NR5A2: variants seen among roughly 807,000 people sequenced by gnomAD.
NR5A2 encodes the protein nuclear receptor subfamily 5 group A member 2.
In NR5A2, 26 loss-of-function variants were observed where a neutral mutation model predicts 62.7. The ratio of observed to expected loss-of-function variants is 0.41; its 90% CI spans 0.30 to 0.58. The LOEUF is 0.58. Among genes scored for constraint, NR5A2 ranks in the 20% least tolerant of loss-of-function variants. The probability of loss-of-function intolerance (pLI) is 0.22; values close to 1 mark genes in which losing one functional copy is unlikely to be tolerated. For missense variants in NR5A2, 541 were observed against 669.1 expected, an observed-to-expected ratio of 0.81 and a Z score of 2.11; for synonymous variants, 246 against 241.7, an observed-to-expected ratio of 1.02 and a Z score of -0.16.
intron 5 of NR5A2, among the ~76,000 whole-genome samples, chr1:200,084,014 A>C (rs565389577): frequency 6.7e-6 from 1 of 150,332 alleles, no homozygotes; most frequent in East Asian, 2.0e-4. Context: ...AATAAAGTAC[A>C]GTTTAAATAC....
At chr1:200,110,496 A>G (rs77898694) in intron 5 of NR5A2, among the ~76,000 whole-genome samples, 2 of 152,146 alleles carry the variant, frequency 1.3e-5, no homozygotes, top group African/African-American at 4.8e-5. Context: ...CCTCATAGCA[A>G]CCTTGTCAGG....
In NR5A2 at chr1:200,177,327, G is replaced by C. The variant is rs1316380359; in HGVS notation, c.*3117G>C. Reference sequence around the variant, plus strand: ...TTACTGTATCAATGAAATACATATTGTCATGTCAGTTCTTGCCAGGAACTT... The same window carrying C: ...TTACTGTATCAATGAAATACATATTCTCATGTCAGTTCTTGCCAGGAACTT... On this transcript the variant is annotated 3_prime_UTR_variant, in exon 8 of 8. Transcript: ENST00000367362. 1 of 152,026 alleles carries C rather than the reference G, an allele frequency of 6.6e-6. No individual in the cohort carries two copies. The highest frequency in any genetic ancestry group is 2.4e-5 in the African/African-American group (1 of 41,194). The allele number at this position is 152,026 out of a possible 1,614,324, so 9.4% of individuals were successfully genotyped here.
At chr1:200,088,619 T>G (rs1021444445) in intron 5 of NR5A2, among the ~76,000 whole-genome samples, 1 of 152,176 alleles carries the variant, frequency 6.6e-6, no homozygotes, top group African/African-American at 2.4e-5. Flanking sequence ...CACATGAATG[T>G]GCAAAGCTCC....
chr1:200,043,309 G>A (rs1463593789), intron 2 of NR5A2, among the ~76,000 whole-genome samples: 1 of 152,206 alleles, frequency 6.6e-6, no homozygotes, highest in African/African-American at 2.4e-5. Flanking sequence ...TTGCAAATTG[G>A]TGCTGCTGTC....
At chr1:200,160,161 C>T (rs558506140) in intron 7 of NR5A2, among the ~76,000 whole-genome samples, 3 of 152,330 alleles carry the variant, frequency 2.0e-5, no homozygotes, top group African/African-American at 7.2e-5. Context: ...CTGCTACAAG[C>T]AATCCCAACT....
chr1:200,161,428 T>C (rs1262689095), intron 7 of NR5A2, among the ~76,000 whole-genome samples: 1 of 152,240 alleles, frequency 6.6e-6, no homozygotes, highest in Non-Finnish European at 1.5e-5. Context: ...TATAGCATTC[T>C]GTCCTCATTT....
intron 2 of NR5A2, among the ~76,000 whole-genome samples, chr1:200,041,729 T>G (rs560529571): frequency 6.6e-6 from 1 of 152,304 alleles, no homozygotes; most frequent in Admixed American, 6.5e-5. Flanking sequence ...TCTGGGAAAC[T>G]CTGAAAGGTG....
Position 200,101,976 on chromosome 1 carries a change from C to G in NR5A2, c.1111-9226C>G, listed in dbSNP as rs75044681. 1.4e-3 allele frequency among the ~76,000 whole-genome samples: 208 copies of G among 152,292 alleles called. 1 individual carries two copies. Among genetic ancestry groups the G allele is most frequent in the African/African-American group, 4.4e-3 (184 of 41,560 alleles). On this transcript the variant is annotated intron_variant, in intron 5 of 7. Coordinates refer to ENST00000367362, the MANE Select transcript of NR5A2 (RefSeq NM_205860.3). ...ACCCTGGTGATTATATGTTTCTTCACAGTGCTGTTTAACATTTACATACAA... is the reference window on the plus strand; with the variant it reads ...ACCCTGGTGATTATATGTTTCTTCAGAGTGCTGTTTAACATTTACATACAA...
chr1:200,038,611 G>A, intron 1 of NR5A2: 1 of 816,296 alleles, frequency 1.2e-6, no homozygotes, highest in Non-Finnish European at 1.9e-6. Context: ...GTTTAAGTGG[G>A]TGTTTAACTC....
chr1:200,172,578 G>T (rs1654230768), intron 7 of NR5A2, among the ~76,000 whole-genome samples: 1 of 152,090 alleles, frequency 6.6e-6, no homozygotes, highest in African/African-American at 2.4e-5. Flanking sequence ...TTTTAATTTG[G>T]GTCAGAGACT....
In NR5A2 at chr1:200,147,058, G is replaced by A. The variant is rs1364294785; in HGVS notation, c.1378+26103G>A. On this transcript the variant is annotated intron_variant, in intron 7 of 7. Coordinates refer to ENST00000367362, the MANE Select transcript of NR5A2 (RefSeq NM_205860.3). This position sits in a 1 kb window ranked among gnomAD's most constrained non-coding sequence, Gnocchi z 4.9. ...TGGAACAACAAGGAATTAACTGGGT[G>A]GCAGCAAAGGGCACCAAAAGAAAAG... is the stretch of plus-strand genomic sequence containing the variant. 1.5e-4 allele frequency among the ~76,000 whole-genome samples: 23 copies of A among 151,392 alleles called. No individual in the cohort carries two copies. Among genetic ancestry groups the A allele is most frequent in the Admixed American group, 1.5e-3 (23 of 15,234 alleles).
At chr1:200,117,962 T>G (rs976283124) in intron 6 of NR5A2, among the ~76,000 whole-genome samples, 4 of 142,820 alleles carry the variant, frequency 2.8e-5, no homozygotes, top group African/African-American at 1.0e-4. Flanking sequence ...GATCCACCCG[T>G]CTCGGCCTCC....
rs537437702 is a variant in NR5A2 at position 200,095,844 on chromosome 1, G to A, written c.1111-15358G>A. 2.2e-3 allele frequency among the ~76,000 whole-genome samples: 341 copies of A among 152,118 alleles called. No homozygotes were observed. In the Middle Eastern group the frequency reaches 0.024, roughly 11 times the overall value. On this transcript the variant is annotated intron_variant, in intron 5 of 7. Transcript: ENST00000367362. ...TGGGATTACAGGTGTGAGCCCCCGC[G>A]CCCGGCCAGCAAGTAATATTTTTTA...
intron 5 of NR5A2, among the ~76,000 whole-genome samples, chr1:200,072,682 G>C (rs1202195649): frequency 6.6e-6 from 1 of 152,026 alleles, no homozygotes; most frequent in African/African-American, 2.4e-5. Context: ...TTACTAAAAA[G>C]GTAAGGTTAC....
Position 200,062,676 on chromosome 1 carries a change from G to A in NR5A2, c.1110+13858G>A, listed in dbSNP as rs779948714. Among the ~76,000 whole-genome samples, 182 of 152,112 alleles carry A rather than the reference G, an allele frequency of 1.2e-3. 2 individuals carry two copies. The highest frequency in any genetic ancestry group is 2.5e-3 in the Non-Finnish European group (168 of 68,036). On this transcript the variant is annotated intron_variant, in intron 5 of 7. Coordinates refer to ENST00000367362, the MANE Select transcript of NR5A2 (RefSeq NM_205860.3). Reference sequence around the variant, plus strand: ...AAGTGCCTTAGATTTTCCTTGTACAGTTATCAAAGCAGGAAATGTAACTCG... The same window carrying A: ...AAGTGCCTTAGATTTTCCTTGTACAATTATCAAAGCAGGAAATGTAACTCG...
At chr1:200,088,464 T>C (rs1268668814) in intron 5 of NR5A2, among the ~76,000 whole-genome samples, 3 of 151,272 alleles carry the variant, frequency 2.0e-5, no homozygotes, top group Non-Finnish European at 4.4e-5. Flanking sequence ...TCCATGTTGC[T>C]CAGGCTGGTC....
chr1:200,171,630 C>A (rs1654185301), intron 7 of NR5A2, among the ~76,000 whole-genome samples: 1 of 152,002 alleles, frequency 6.6e-6, no homozygotes, highest in Non-Finnish European at 1.5e-5. Flanking sequence ...AAGTCTGTAA[C>A]CCCAGCTACT....
In NR5A2 at chr1:200,155,010, C is replaced by T. The variant is rs138828996; in HGVS notation, c.1379-18953C>T. ...TTAGGAATATCTATGTTTACAACTC[C>T]GGGACTAAGATTCAATAAAGCTTCA... On this transcript the variant is annotated intron_variant, in intron 7 of 7. Transcript: ENST00000367362. Among the ~76,000 whole-genome samples, 812 of 152,270 alleles carry T rather than the reference C, an allele frequency of 5.3e-3. 4 individuals are homozygous for T. Among genetic ancestry groups the T allele is most frequent in the Non-Finnish European group, 7.5e-3 (513 of 68,006 alleles).
At chr1:200,089,254 A>G (rs1664697015) in intron 5 of NR5A2, among the ~76,000 whole-genome samples, 1 of 152,016 alleles carries the variant, frequency 6.6e-6, no homozygotes, top group Non-Finnish European at 1.5e-5. Flanking sequence ...TTGCACTGTC[A>G]CCCAGGCTGG....
Sources: gnomAD v4.1 joint callset for allele counts (sites outside exome capture counted in the v4.1 genomes callset) on GRCh38, gnomAD v4.1.1 for gene constraint, Gnocchi (gnomAD v3.1) non-coding constraint, MANE v1.5 for transcripts, NCBI Gene and HGNC (gene_info 2026-07-23, HGNC 2026-07-21) for gene names.